Variants in RBM39 observed in about 807,000 individuals in gnomAD.
RBM39 encodes the protein RNA binding motif protein 39, also known as RNA-binding protein 39.
A neutral mutation model predicts 79.6 loss-of-function variants in RBM39; 12 were observed. The observed-to-expected ratio is 0.15, with a 90% CI of 0.10 to 0.24. The LOEUF (loss-of-function observed/expected upper bound fraction) is 0.24, where lower values mean the gene tolerates loss of function less well. Among genes scored for constraint, RBM39 ranks in the 10% least tolerant of loss-of-function variants. The probability of loss-of-function intolerance (pLI) is 1.00; values close to 1 mark genes in which losing one functional copy is unlikely to be tolerated. For synonymous variants in RBM39, 185 were observed against 208.4 expected, an observed-to-expected ratio of 0.89 and a Z score of 0.97; for missense variants, 243 against 653.4, an observed-to-expected ratio of 0.37 and a Z score of 6.85.
At chr20:35,712,984 A>G (rs1159981222) in intron 12 of RBM39, 35 bp downstream of exon 12, 2 of 1,568,366 alleles carry the variant, frequency 1.3e-6, no homozygotes, top group Admixed American at 2.1e-5. Context: ...TTAGATGAAA[A>G]AACGATTTAA....
chr20:35,713,513 T>G (rs987698450), intron 11 of RBM39: 8 of 157,234 alleles, frequency 5.1e-5, no homozygotes, highest in Admixed American at 1.2e-4. Flanking sequence ...TTAGCAGAGA[T>G]AGGGTTTCTC....
intron 14 of RBM39, 93 bp from the exon 15 acceptor site, chr20:35,705,423 T>A: frequency 1.4e-6 from 1 of 719,372 alleles, no homozygotes; most frequent in Non-Finnish European, 2.2e-6. Flanking sequence ...TTCTATGAAT[T>A]AAAAAAAATA....
intron 8 of RBM39, among the ~76,000 whole-genome samples, chr20:35,724,313 AGAGACTC>A (rs926149942): frequency 1.3e-5 from 2 of 151,524 alleles, no homozygotes; most frequent in African/African-American, 2.4e-5. Context: ...GCCTGGTGAG[AGAGACTC>A]CATCTCAAAA....
At position 35,731,971 on chromosome 20, in the gene RBM39, C is replaced by T. The variant is rs1382197646; in HGVS notation, c.266G>A (p.Arg89Gln). 6.2e-7 allele frequency: 1 copy of T among 1,614,102 alleles called. No individual in the cohort carries two copies. The highest frequency in any genetic ancestry group is 8.5e-7 in the Non-Finnish European group (1 of 1,180,038). Residue 89 changes from arginine (R) to glutamine (Q), a missense_variant, in exon 4 of 17, where the codon CGA (arginine) becomes CAA (glutamine). Transcript: ENST00000253363. ...ACTTCTGTAGCGGCCTCTAAATCTT[C>T]GATCTCGACTTCTTGAGCGGCTCCG... ...RRRSRSRSRD[R>Q]RFRGRYRSPY... is the part of the protein sequence containing the mutation.
chr20:35,736,169 T>C (rs1030101098), intron 3 of RBM39, among the ~76,000 whole-genome samples: 3 of 152,176 alleles, frequency 2.0e-5, no homozygotes, highest in Non-Finnish European at 2.9e-5. Context: ...GGGTTTTCTT[T>C]TGATTAGAGA....
At chr20:35,730,797 ATGT>A (rs1326968426) in intron 4 of RBM39, among the ~76,000 whole-genome samples, 2 of 152,096 alleles carry the variant, frequency 1.3e-5, no homozygotes, top group Non-Finnish European at 2.9e-5. Context: ...GAAGTTCCTA[ATGT>A]TGTACAGCAT....
chr20:35,723,771 T>C (rs985403482), intron 8 of RBM39, among the ~76,000 whole-genome samples: 9 of 152,252 alleles, frequency 5.9e-5, no homozygotes, highest in Admixed American at 4.6e-4. Flanking sequence ...GTCAAAGCGC[T>C]GTGCGGCTCA....
At chr20:35,714,846 C>T (rs1305763995) in intron 10 of RBM39, among the ~76,000 whole-genome samples, 2 of 152,018 alleles carry the variant, frequency 1.3e-5, no homozygotes, top group Admixed American at 1.3e-4. Flanking sequence ...AAATACATAA[C>T]TTGATATAAA....
At chr20:35,737,321 C>T (rs1452434650) in intron 3 of RBM39, among the ~76,000 whole-genome samples, 1 of 147,202 alleles carries the variant, frequency 6.8e-6, no homozygotes, top group East Asian at 2.0e-4. Flanking sequence ...GCCCGGGTGG[C>T]AGAGGTTGCA....
rs1048944235 is a variant in RBM39, at chr20:35,702,022, T to C, written c.*2459A>G. 6 of 152,278 alleles carry C rather than the reference T, an allele frequency of 3.9e-5. No individual in the cohort carries two copies. Among genetic ancestry groups the C allele is most frequent in the Admixed American group, 3.9e-4 (6 of 15,298 alleles). 9.4% of individuals were successfully genotyped at this position (152,278 alleles called of 1,614,324 possible). On this transcript the variant is annotated 3_prime_UTR_variant, in exon 17 of 17. Transcript: ENST00000253363. ...AAATTCCAGATGATTTTCTAACCAC[T>C]CATCAACAATCTATATAGCTTGCCC...
At chr20:35,704,633 A>C in intron 16 of RBM39, 35 bp downstream of exon 16, 1 of 1,611,036 alleles carries the variant, frequency 6.2e-7, no homozygotes, top group Non-Finnish European at 8.5e-7. Flanking sequence ...ATAGAGCCTT[A>C]ATAACAATCA....
intron 11 of RBM39, chr20:35,713,934 TATGAC>T: frequency 2.6e-6 from 1 of 379,668 alleles, no homozygotes; most frequent in Non-Finnish European, 4.7e-6. Context: ...TATTCCTAAG[TATGAC>T]ATATAAACAC....
intron 3 of RBM39, chr20:35,732,813 C>T (rs1044202917): frequency 6.6e-6 from 1 of 152,026 alleles, no homozygotes; most frequent in South Asian, 2.1e-4. Context: ...ATTAATAAAA[C>T]AAACTTACAA....
At chr20:35,737,890 A>G (rs2146739454) in intron 3 of RBM39, among the ~76,000 whole-genome samples, 1 of 146,002 alleles carries the variant, frequency 6.8e-6, no homozygotes, top group Non-Finnish European at 1.5e-5. Context: ...GCGGTGGCTC[A>G]CACCTGTAAT....
At chr20:35,722,065 T>C (rs1306177991) in intron 8 of RBM39, among the ~76,000 whole-genome samples, 188 bp from the exon 9 acceptor site, 1 of 151,986 alleles carries the variant, frequency 6.6e-6, no homozygotes, top group East Asian at 1.9e-4. Context: ...AGGAGGTAGA[T>C]AACATTTTAC....
Position 35,714,351 on chromosome 20 carries a change from T to C in RBM39, c.930A>G (p.Gln310=), listed in dbSNP as rs1171781948. 3.1e-6 allele frequency: 5 copies of C among 1,614,184 alleles called. No individual in the cohort carries two copies. The highest frequency in any genetic ancestry group is 2.2e-5 in the East Asian group (1 of 44,872). The stretch of plus-strand genomic sequence containing the variant: ...TTCCTGCTAGTTCAAATCCATTAAG[T>C]TGTTCCAAAGCCTTTTTGGCACATT... ...DSECAKKALE[Q]LNGFELAGRP... is the part of the protein sequence containing the mutation. Residue 310 remains glutamine (Q), a synonymous_variant, in exon 11 of 17, where the codon CAA becomes CAG. Transcript: ENST00000253363.
rs187051445 is a variant in RBM39, at chr20:35,707,907, A to G, written c.1226-706T>C. ...GCTCCAATGCTTTCACGTGATTTAC[A>G]AAAATATTACCAGTAGCTGTTACAG... On this transcript the variant is annotated intron_variant, in intron 13 of 16. Coordinates refer to ENST00000253363, the MANE Select transcript of RBM39 (RefSeq NM_184234.3). 3 of 467,334 alleles carry G rather than the reference A, an allele frequency of 6.4e-6. No individual in the cohort carries two copies. The Admixed American group carries it at 7.2e-5, about 11-fold the overall frequency. 28.9% of individuals were successfully genotyped at this position (467,334 alleles called of 1,614,324 possible). A position where few individuals can be genotyped will look rare whatever the true frequency, so the allele number is the denominator to read the frequency against.
intron 9 of RBM39, among the ~76,000 whole-genome samples, chr20:35,717,366 A>G (rs2037281893): frequency 6.6e-6 from 1 of 152,150 alleles, no homozygotes; most frequent in Non-Finnish European, 1.5e-5. Flanking sequence ...GAGGGGAGAA[A>G]AAAAAACTAT....
rs1239251967 is a variant in RBM39, at chr20:35,734,729, C to T, written c.102-2594G>A. ...AGGCAACCCCAGGCAGGTAAAAAGA[C>T]AGCAACATACTAAGACATTCAGAAA... On this transcript the variant is annotated intron_variant, in intron 3 of 16. Transcript: ENST00000253363. 3.7e-6 allele frequency: 4 copies of T among 1,082,876 alleles called. No individual in the cohort carries two copies. In the South Asian group the frequency reaches 8.9e-5, roughly 24 times the overall value. 67.1% of individuals were successfully genotyped at this position (1,082,876 alleles called of 1,614,324 possible).
Sources: allele counts gnomAD v4.1 joint callset (sites outside exome capture counted in the v4.1 genomes callset), GRCh38; gene constraint gnomAD v4.1.1; transcripts MANE v1.5; gene names NCBI Gene and HGNC (gene_info 2026-07-23, HGNC 2026-07-21).